FOCAD: variants seen among roughly 807,000 people sequenced by gnomAD.
FOCAD encodes focadhesin.
FOCAD carries 198 observed loss-of-function variants against 225.6 expected under a neutral mutation model. That is an observed-to-expected ratio of 0.88 (90% CI 0.78 to 0.99). The LOEUF (loss-of-function observed/expected upper bound fraction) is 0.99, where lower values mean the gene tolerates loss of function less well. Ranked by LOEUF, FOCAD falls within the 50% of genes least tolerant of loss-of-function variation. The probability of loss-of-function intolerance (pLI) is 0.00; values close to 1 mark genes in which losing one functional copy is unlikely to be tolerated. For missense variants in FOCAD, 2,713 were observed against 2,123.6 expected (o/e 1.28, Z -5.46); for synonymous variants, 897 against 755.0 (o/e 1.19, Z -3.08).
At chr9:20,782,745 G>C (rs1294971991) in intron 10 of FOCAD, among the ~76,000 whole-genome samples, 3 of 152,190 alleles carry the variant, frequency 2.0e-5, no homozygotes, top group African/African-American at 7.2e-5. Flanking sequence ...AATACAAACT[G>C]GAGTGATGGT....
intron 29 of FOCAD, among the ~76,000 whole-genome samples, chr9:20,945,530 A>G (rs551397124): frequency 4.6e-5 from 7 of 152,370 alleles, no homozygotes; most frequent in East Asian, 1.9e-4. Flanking sequence ...GCTTTCAGCA[A>G]TAGGACTTGT....
At chr9:20,987,645 G>T (rs779532542) in intron 40 of FOCAD, among the ~76,000 whole-genome samples, 44 of 152,276 alleles carry the variant, frequency 2.9e-4, no homozygotes, top group Admixed American at 6.5e-4. Context: ...AGCCAAAAGT[G>T]TATGTATCAG....
At chr9:20,722,350 T>C (rs564414983) in intron 4 of FOCAD, among the ~76,000 whole-genome samples, 2 of 152,328 alleles carry the variant, frequency 1.3e-5, no homozygotes, top group South Asian at 2.1e-4. Flanking sequence ...TCCTGAGCCC[T>C]TGTGTGTGTT....
intron 21 of FOCAD, among the ~76,000 whole-genome samples, chr9:20,899,976 G>A (rs965320340): frequency 4.0e-5 from 6 of 151,776 alleles, no homozygotes; most frequent in African/African-American, 1.5e-4. Context: ...GACATGCAGT[G>A]GTCATTTCAG....
At chr9:20,715,241 C>G in intron 1 of FOCAD, 81 bp from the exon 2 acceptor site, 1 of 543,552 alleles carries the variant, frequency 1.8e-6, no homozygotes, top group East Asian at 3.2e-5. Context: ...ATTACATTCA[C>G]ATTATTTGAG....
intron 15 of FOCAD, among the ~76,000 whole-genome samples, chr9:20,847,951 G>C (rs962775154): frequency 6.6e-6 from 1 of 151,912 alleles, no homozygotes; most frequent in African/African-American, 2.4e-5. Flanking sequence ...CATAAACTGA[G>C]TATATTTCAT....
At chr9:20,736,376 A>G (rs998695599) in intron 4 of FOCAD, among the ~76,000 whole-genome samples, 2 of 152,292 alleles carry the variant, frequency 1.3e-5, no homozygotes, top group African/African-American at 4.8e-5. Context: ...CTAATTCACT[A>G]TTTTGAGTTT....
chr9:20,762,869 A>G (rs144484924), intron 6 of FOCAD, among the ~76,000 whole-genome samples: 1,890 of 152,102 alleles, frequency 0.012, 17 homozygotes, highest in Non-Finnish European at 0.017. Context: ...TCCCACCTTC[A>G]TGTCTGTGTG....
Position 20,952,995 on chromosome 9 carries a change from C to G in FOCAD, c.4062C>G (p.Asp1354Glu). ...TTTCTGTCTCCACAGTTCCTACTGA[C>G]TATAGCTACTTGCCTGAAAGCAGTT... ...SSQSRASVPT[D>E]YSYLPESSFI... The change falls in exon 35 of 44, where the codon GAC (aspartate) becomes GAG (glutamate). Residue 1354 changes from aspartate (D) to glutamate (E), a missense_variant. Asp to Glu is a conservative substitution (Grantham distance 45). Transcript: ENST00000338382. 3 of 1,613,472 alleles carry G rather than the reference C, an allele frequency of 1.9e-6. No individual in the cohort carries two copies. The highest frequency in any genetic ancestry group is 2.5e-6 in the Non-Finnish European group (3 of 1,179,622).
In FOCAD at chr9:20,962,211, G is replaced by A. The variant is rs114576398; in HGVS notation, c.4132+9146G>A. Among the ~76,000 whole-genome samples the A allele has an allele frequency of 5.8e-3, 879 of 152,034 alleles. 8 individuals are homozygous for A. Among genetic ancestry groups the A allele is most frequent in the African/African-American group, 0.02 (828 of 41,392 alleles). ...ACTTTCCTATATATTTTCATGGTGC[G>A]TAATATATGTGTCATCATTTTCATA... On this transcript the variant is annotated intron_variant, in intron 35 of 43. Transcript: ENST00000338382.
At chr9:20,828,590 A>T (rs1825154491) in intron 15 of FOCAD, among the ~76,000 whole-genome samples, 1 of 152,008 alleles carries the variant, frequency 6.6e-6, no homozygotes, top group Admixed American at 6.6e-5. Flanking sequence ...ATCCTCACCA[A>T]CACTTTTTTT....
intron 35 of FOCAD, among the ~76,000 whole-genome samples, chr9:20,975,282 A>G (rs1409040708): frequency 6.6e-6 from 1 of 152,148 alleles, no homozygotes; most frequent in Non-Finnish European, 1.5e-5. Flanking sequence ...ATGCTCTACT[A>G]TCTGTTTTTC....
chr9:20,722,599 C>G (rs1342953616), intron 4 of FOCAD, among the ~76,000 whole-genome samples: 1 of 152,264 alleles, frequency 6.6e-6, no homozygotes, highest in Non-Finnish European at 1.5e-5. Flanking sequence ...AAGGTTTGAT[C>G]ATGACTGAAA....
chr9:20,808,611 G>C (rs1329986103), intron 11 of FOCAD, among the ~76,000 whole-genome samples: 1 of 152,164 alleles, frequency 6.6e-6, no homozygotes, highest in Non-Finnish European at 1.5e-5. Context: ...ACATACACGA[G>C]GTTCAGTGAG....
In FOCAD at chr9:20,946,693, C is replaced by A. The variant is rs569796063; in HGVS notation, c.3556-8C>A. The A allele has an allele frequency of 6.2e-7, 1 of 1,601,650 alleles. No homozygotes were observed. Among genetic ancestry groups the A allele is most frequent in the East Asian group, 2.3e-5 (1 of 44,312 alleles). ...AAGACATATTTTTCTGCTGTATTTT[C>A]TTCTCAGGTCCTTGCCTACACACTT... On this transcript the variant is annotated splice_polypyrimidine_tract_variant and splice_region_variant and intron_variant, in intron 29 of 43. Coordinates refer to ENST00000338382, the MANE Select transcript of FOCAD (RefSeq NM_001375567.1).
chr9:20,758,307 T>C, intron 6 of FOCAD, 116 bp downstream of exon 6: 4 of 592,092 alleles, frequency 6.8e-6, no homozygotes, highest in Non-Finnish European at 1.1e-5. Context: ...TGATCTATAA[T>C]GTTTTCTCCT....
chr9:20,981,165 A>C (rs1840662672), intron 37 of FOCAD, among the ~76,000 whole-genome samples: 1 of 152,212 alleles, frequency 6.6e-6, no homozygotes, highest in Non-Finnish European at 1.5e-5. Flanking sequence ...CCAAGGTTTA[A>C]GCTGAGTAGT....
chr9:20,866,088 T>C, intron 17 of FOCAD, 112 bp downstream of exon 17: 1 of 876,956 alleles, frequency 1.1e-6, no homozygotes, highest in Non-Finnish European at 1.7e-6. Context: ...AATAATGGGT[T>C]CCCAATTTTT....
intron 7 of FOCAD, 80 bp from the exon 8 acceptor site, chr9:20,769,952 G>C: frequency 7.6e-7 from 1 of 1,320,574 alleles, no homozygotes. Flanking sequence ...AAATTACATT[G>C]TTCAAAGCTT....
Sources: allele counts gnomAD v4.1 joint callset (sites outside exome capture counted in the v4.1 genomes callset), GRCh38; gene constraint gnomAD v4.1.1; transcripts MANE v1.5; gene names NCBI Gene and HGNC (gene_info 2026-07-23, HGNC 2026-07-21).